The following N4BP2L2 variants were observed in gnomAD, a reference collection of about 807,000 sequenced individuals.
N4BP2L2 encodes NEDD4-binding protein 2-like 2.
N4BP2L2 carries 50 observed loss-of-function variants against 56.2 expected under a neutral mutation model. The observed-to-expected ratio is 0.89, with a 90% CI of 0.71 to 1.13. The LOEUF (loss-of-function observed/expected upper bound fraction) is 1.13. Among genes scored for constraint, N4BP2L2 ranks in the 50% most tolerant of loss-of-function variants. The probability of loss-of-function intolerance (pLI) is 0.00; values close to 1 mark genes in which losing one functional copy is unlikely to be tolerated. For missense variants in N4BP2L2, 689 were observed against 693.8 expected, an observed-to-expected ratio of 0.99 and a Z score of 0.08; for synonymous variants, 203 against 223.6, an observed-to-expected ratio of 0.91 and a Z score of 0.82.
chr13:32,517,224 C>T, exon 6 of N4BP2L2: 1 of 985,684 alleles, frequency 1.0e-6, no homozygotes, highest in African/African-American at 1.7e-5. Context: ...GAAAACTCCC[C>T]AGGTGACTGA....
rs929927891 is a variant in N4BP2L2, at chr13:32,527,659, T to C, written c.1260-127A>G. 7.7e-6 allele frequency: 8 copies of C among 1,036,260 alleles called. 1 individual carries two copies. The African/African-American group carries it at 8.1e-5, about 10-fold the overall frequency. 64.2% of individuals were successfully genotyped at this position (1,036,260 alleles called of 1,614,324 possible). On this transcript the variant is annotated intron_variant, in intron 2 of 5. Transcript: ENST00000267068. ...GAAAGGTTATTAAATGGATTTCTGATACTTACCTGAAAGTATATCACGAAC... is the reference window on the plus strand; with the variant it reads ...GAAAGGTTATTAAATGGATTTCTGACACTTACCTGAAAGTATATCACGAAC...
chr13:32,445,421 C>A (rs1441955176), intron 6 of N4BP2L2, among the ~76,000 whole-genome samples: 1 of 152,160 alleles, frequency 6.6e-6, no homozygotes, highest in East Asian at 1.9e-4. Context: ...CAGTAAATAT[C>A]TTGGACCTCC....
At chr13:32,478,582 TTGTC>T (rs2083866245) in intron 6 of N4BP2L2, 1 of 154,204 alleles carries the variant, frequency 6.5e-6, no homozygotes, top group African/African-American at 2.4e-5. Flanking sequence ...ATGTCTCTAA[TTGTC>T]TGAACCCTTA....
In N4BP2L2 at chr13:32,521,454, A is replaced by G; in HGVS notation, c.1474-5T>C. The G allele has an allele frequency of 6.3e-7, 1 of 1,590,040 alleles. No homozygotes were observed. The highest frequency in any genetic ancestry group is 1.2e-5 in the South Asian group (1 of 86,438). On this transcript the variant is annotated splice_region_variant and splice_polypyrimidine_tract_variant and intron_variant, in intron 4 of 5. Coordinates refer to ENST00000267068, the Ensembl canonical transcript of N4BP2L2. Reference sequence around the variant, plus strand: ...TCTGTATCCTTTTCCTATGGCCTACACAAAGGAAAGGAAGAAAACAAAAAC... The same window carrying G: ...TCTGTATCCTTTTCCTATGGCCTACGCAAAGGAAAGGAAGAAAACAAAAAC...
At position 32,515,769 on chromosome 13, in the gene N4BP2L2, C is replaced by G. The variant is rs1049685742; in HGVS notation, c.*2033G>C. 25 of 152,040 alleles carry G rather than the reference C, an allele frequency of 1.6e-4. 1 individual carries two copies. In the Middle Eastern group the frequency reaches 0.017, roughly 103 times the overall value. 9.4% of individuals were successfully genotyped at this position (152,040 alleles called of 1,614,324 possible). On this transcript the variant is annotated 3_prime_UTR_variant, in exon 6 of 6. Transcript: ENST00000267068. ...TTTTTTTTTTTGAGAAGGAGTCTCACTCTGTCTCACAGGCTGGAGTGCAAG... is the reference window on the plus strand; with the variant it reads ...TTTTTTTTTTTGAGAAGGAGTCTCAGTCTGTCTCACAGGCTGGAGTGCAAG...
intron 6 of N4BP2L2, among the ~76,000 whole-genome samples, chr13:32,444,853 TATAATATAGC>T: frequency 6.6e-6 from 1 of 152,334 alleles, no homozygotes; most frequent in Admixed American, 6.5e-5. Context: ...ACCTAGGCTA[TATAATATAGC>T]CTATTGCTCC....
At chr13:32,494,276 C>T (rs1481539581) in intron 6 of N4BP2L2, among the ~76,000 whole-genome samples, 1 of 151,170 alleles carries the variant, frequency 6.6e-6, no homozygotes, top group Non-Finnish European at 1.5e-5. Context: ...GAGTGAGACT[C>T]GGTCTAAAAA....
intron 5 of N4BP2L2, among the ~76,000 whole-genome samples, chr13:32,519,527 G>T (rs1274246598): frequency 6.6e-6 from 1 of 152,108 alleles, no homozygotes; most frequent in Non-Finnish European, 1.5e-5. Context: ...GTAGTGGCAG[G>T]TGCCTGTATG....
intron 3 of N4BP2L2, chr13:32,522,898 T>C (rs759746535): frequency 3.9e-5 from 6 of 152,264 alleles, no homozygotes; most frequent in Non-Finnish European, 8.8e-5. Flanking sequence ...GTAAGGCTTA[T>C]GTTTTTGAAA....
intron 6 of N4BP2L2, chr13:32,480,602 C>T (rs1362905806): frequency 2.3e-6 from 3 of 1,286,042 alleles, no homozygotes; most frequent in Non-Finnish European, 3.0e-6. Context: ...GAGTTGCTGT[C>T]TTACTAGGAA....
At chr13:32,447,385 G>A (rs1229316667) in intron 6 of N4BP2L2, among the ~76,000 whole-genome samples, 1 of 152,206 alleles carries the variant, frequency 6.6e-6, no homozygotes, top group African/African-American at 2.4e-5. Context: ...ATGGGCACAA[G>A]TGACTCCTCC....
chr13:32,501,808 C>G (rs1228927712), intron 6 of N4BP2L2, among the ~76,000 whole-genome samples: 1 of 151,638 alleles, frequency 6.6e-6, no homozygotes, highest in Non-Finnish European at 1.5e-5. Flanking sequence ...CAGCGAGACT[C>G]CATCTCTGTG....
At chr13:32,534,548 T>C (rs2055997403) in intron 2 of N4BP2L2, among the ~76,000 whole-genome samples, 1 of 152,228 alleles carries the variant, frequency 6.6e-6, no homozygotes, top group Non-Finnish European at 1.5e-5. Context: ...AAATTTCATC[T>C]TCTCTACAAA....
chr13:32,497,963 T>A (rs556311277), intron 6 of N4BP2L2, among the ~76,000 whole-genome samples: 24 of 151,982 alleles, frequency 1.6e-4, no homozygotes, highest in South Asian at 6.2e-4. Flanking sequence ...AAAAAAAAAA[T>A]TTTATAGAAA....
At chr13:32,436,864 CTATT>C (rs71071041) in intron 8 of N4BP2L2, among the ~76,000 whole-genome samples, 7,599 of 132,814 alleles carry the variant, frequency 0.057, 743 homozygotes, top group African/African-American at 0.2. Context: ...TAATATCTAT[CTATT>C]TATTTATTTA....
intron 5 of N4BP2L2, among the ~76,000 whole-genome samples, chr13:32,519,244 C>CAAAA (rs568918720): frequency 1.3e-4 from 15 of 113,340 alleles, no homozygotes; most frequent in African/African-American, 4.4e-4. Flanking sequence ...CCGTCTCTAC[C>CAAAA]AAAAAAAAAA....
At chr13:32,484,120 T>C (rs1267532665) in intron 6 of N4BP2L2, among the ~76,000 whole-genome samples, 1 of 151,894 alleles carries the variant, frequency 6.6e-6, no homozygotes, top group Non-Finnish European at 1.5e-5. Context: ...TCCAAGAGTT[T>C]GAGACCAGCC....
chr13:32,492,272 AAT>A (rs1491164574), intron 6 of N4BP2L2, among the ~76,000 whole-genome samples: 1 of 77,042 alleles, frequency 1.3e-5, no homozygotes, highest in African/African-American at 5.7e-5. Flanking sequence ...AAAACACCAA[AAT>A]TTTTTTTTTT....
chr13:32,452,454 T>G (rs924556756), intron 6 of N4BP2L2, among the ~76,000 whole-genome samples: 2 of 152,176 alleles, frequency 1.3e-5, no homozygotes, highest in African/African-American at 2.4e-5. Flanking sequence ...CTCAGTTAAA[T>G]ACAAAAACCC....
Sources: gnomAD v4.1 joint callset for allele counts (sites outside exome capture counted in the v4.1 genomes callset) on GRCh38, gnomAD v4.1.1 for gene constraint, MANE v1.5 for transcripts, NCBI Gene and HGNC (gene_info 2026-07-23, HGNC 2026-07-21) for gene names.